The following CAMTA1 variants were observed in gnomAD, a reference collection of about 807,000 sequenced individuals.
CAMTA1 encodes the protein calmodulin binding transcription activator 1.
CAMTA1 carries 27 observed loss-of-function variants against 170.9 expected under a neutral mutation model. That is an observed-to-expected ratio of 0.16 (90% CI 0.12 to 0.22). CAMTA1 has a LOEUF of 0.22. Ranked by LOEUF, CAMTA1 falls within the 10% of genes least tolerant of loss-of-function variation. CAMTA1 has a pLI of 1.00. For synonymous variants in CAMTA1, 833 were observed against 891.5 expected, an observed-to-expected ratio of 0.93 and a Z score of 1.17; for missense variants, 1,619 against 2,217.2, an observed-to-expected ratio of 0.73 and a Z score of 5.42.
intron 5 of CAMTA1, among the ~76,000 whole-genome samples, chr1:7,411,260 T>A (rs1388080164): frequency 6.6e-6 from 1 of 152,166 alleles, no homozygotes; most frequent in Non-Finnish European, 1.5e-5. Context: ...CCCTGGGGCA[T>A]GAGCAGGGGT....
intron 3 of CAMTA1, among the ~76,000 whole-genome samples, chr1:6,849,894 A>G (rs1659712130): frequency 6.6e-6 from 1 of 151,696 alleles, no homozygotes; most frequent in African/African-American, 2.4e-5. Flanking sequence ...AATTAGCCAG[A>G]TGTGGTGACG....
Position 6,861,307 on chromosome 1 carries a change from G to A in CAMTA1, c.234+36097G>A, listed in dbSNP as rs188606012. On this transcript the variant is annotated intron_variant, in intron 3 of 22. Coordinates refer to ENST00000303635, the MANE Select transcript of CAMTA1 (RefSeq NM_015215.4). ...TCATTTGTCTAACATCTCTGTTACT[G>A]GTTTCAGTAAGATCACATCATCTTT... 3.9e-5 allele frequency among the ~76,000 whole-genome samples: 6 copies of A among 152,284 alleles called. No individual in the cohort carries two copies. In the East Asian group the frequency reaches 9.7e-4, roughly 24 times the overall value.
chr1:7,695,126 C>G (rs966552359), intron 11 of CAMTA1, among the ~76,000 whole-genome samples: 1 of 152,166 alleles, frequency 6.6e-6, no homozygotes, highest in Non-Finnish European at 1.5e-5. Flanking sequence ...TAGCTCTGTA[C>G]AGGGCCTGCA....
At chr1:7,502,805 C>T (rs1386354112) in intron 6 of CAMTA1, among the ~76,000 whole-genome samples, 3 of 152,318 alleles carry the variant, frequency 2.0e-5, no homozygotes, top group South Asian at 2.1e-4. Context: ...ATGTGTAGTA[C>T]GTTTCCAGAG....
chr1:7,247,695 T>G (rs955389633), intron 4 of CAMTA1, among the ~76,000 whole-genome samples: 3 of 152,152 alleles, frequency 2.0e-5, no homozygotes, highest in Non-Finnish European at 1.5e-5. Flanking sequence ...GCACAGTCCG[T>G]GGACCTCAGG....
chr1:7,305,693 T>A (rs891489200), intron 5 of CAMTA1, among the ~76,000 whole-genome samples: 2 of 150,956 alleles, frequency 1.3e-5, no homozygotes, highest in Admixed American at 6.6e-5. Context: ...TACAAATATT[T>A]ATATATAGGT....
At position 7,769,312 on chromosome 1, in the gene CAMTA1, T is replaced by C. The variant is rs2097042069; in HGVS notation, c.*2821T>C. The C allele has an allele frequency of 1.3e-5, 2 of 152,816 alleles. No individual in the cohort carries two copies. The highest frequency in any genetic ancestry group is 4.8e-5 in the African/African-American group (2 of 41,478). 9.5% of individuals were successfully genotyped at this position (152,816 alleles called of 1,614,324 possible). ...AAGTGCCAGGAGTAGGATTTCATTA[T>C]AAAATTAATAGCTAATCTTATTCTA... On this transcript the variant is annotated 3_prime_UTR_variant, in exon 23 of 23. Coordinates refer to ENST00000303635, the MANE Select transcript of CAMTA1 (RefSeq NM_015215.4).
chr1:7,294,757 T>C (rs1673669859), intron 5 of CAMTA1, among the ~76,000 whole-genome samples: 1 of 152,262 alleles, frequency 6.6e-6, no homozygotes, highest in Non-Finnish European at 1.5e-5. Context: ...CTGCAAGTCA[T>C]GCAGGGGCTT....
At chr1:7,477,055 G>T (rs1226278367) in intron 6 of CAMTA1, among the ~76,000 whole-genome samples, 2 of 152,210 alleles carry the variant, frequency 1.3e-5, no homozygotes, top group African/African-American at 4.8e-5. Context: ...AGATAATTAG[G>T]AGAAGGGCAA....
chr1:7,624,045 A>T (rs2095616977), intron 6 of CAMTA1, among the ~76,000 whole-genome samples: 1 of 152,184 alleles, frequency 6.6e-6, no homozygotes, highest in African/African-American at 2.4e-5. Flanking sequence ...ACACTTCACA[A>T]ATGCTTTCTT....
intron 3 of CAMTA1, among the ~76,000 whole-genome samples, chr1:7,087,124 G>T (rs931992175): frequency 1.3e-5 from 2 of 152,186 alleles, no homozygotes; most frequent in African/African-American, 2.4e-5. Context: ...CCAGACCTGT[G>T]TTTTCATCTG....
intron 3 of CAMTA1, chr1:6,873,998 A>G (rs553472988): frequency 3.3e-5 from 5 of 152,352 alleles, no homozygotes; most frequent in Admixed American, 6.5e-5. Flanking sequence ...TGGTGTAAAA[A>G]CAGTGAAATT....
intron 6 of CAMTA1, among the ~76,000 whole-genome samples, chr1:7,586,457 C>G (rs890750023): frequency 6.6e-6 from 1 of 152,136 alleles, no homozygotes; most frequent in Non-Finnish European, 1.5e-5. Context: ...TGCAGCCACA[C>G]CGAACCTCCT....
intron 3 of CAMTA1, among the ~76,000 whole-genome samples, chr1:7,021,499 T>A (rs1701343908): frequency 6.6e-6 from 1 of 152,250 alleles, no homozygotes; most frequent in South Asian, 2.1e-4. Flanking sequence ...TCTCCTGCTT[T>A]CTTGCTTTGT....
intron 22 of CAMTA1, among the ~76,000 whole-genome samples, chr1:7,756,712 G>A (rs2096933880): frequency 1.3e-5 from 2 of 151,916 alleles, no homozygotes; most frequent in South Asian, 4.2e-4. Flanking sequence ...ACCAGGCGTG[G>A]TAGGGCATGC....
intron 4 of CAMTA1, among the ~76,000 whole-genome samples, chr1:7,131,059 T>C (rs1645222609): frequency 1.3e-5 from 2 of 152,034 alleles, no homozygotes; most frequent in South Asian, 4.2e-4. Context: ...GTTCAAGCGA[T>C]TCTCCTGCCT....
At chr1:7,033,415 T>G (rs772995721) in intron 3 of CAMTA1, among the ~76,000 whole-genome samples, 32 of 152,122 alleles carry the variant, frequency 2.1e-4, no homozygotes, top group Non-Finnish European at 7.4e-5. Flanking sequence ...TTAATCTTCA[T>G]ACCCACTAAT....
intron 5 of CAMTA1, among the ~76,000 whole-genome samples, chr1:7,267,753 G>C (rs1487281015): frequency 6.6e-6 from 1 of 152,146 alleles, no homozygotes; most frequent in African/African-American, 2.4e-5. Context: ...CAAAGGGATT[G>C]GTTGTCATGA....
chr1:7,725,151 G>A (rs768874404), intron 11 of CAMTA1, among the ~76,000 whole-genome samples: 4 of 152,164 alleles, frequency 2.6e-5, no homozygotes, highest in Admixed American at 6.5e-5. Flanking sequence ...GTTTTTGTCC[G>A]GGGATTTACA....
Sources: allele counts gnomAD v4.1 joint callset (sites outside exome capture counted in the v4.1 genomes callset), GRCh38; gene constraint gnomAD v4.1.1; transcripts MANE v1.5; gene names NCBI Gene and HGNC (gene_info 2026-07-23, HGNC 2026-07-21).